CEMIP2: variants seen among roughly 807,000 people sequenced by gnomAD.
CEMIP2 encodes cell migration inducing hyaluronidase 2.
In CEMIP2, 79 loss-of-function variants were observed where a neutral mutation model predicts 146.9. The ratio of observed to expected loss-of-function variants is 0.54; its 90% CI spans 0.45 to 0.65. The LOEUF (loss-of-function observed/expected upper bound fraction) is 0.65, where lower values mean the gene tolerates loss of function less well. Among genes scored for constraint, CEMIP2 ranks in the 30% least tolerant of loss-of-function variants. The probability of loss-of-function intolerance (pLI) is 0.00; values close to 1 mark genes in which losing one functional copy is unlikely to be tolerated. For missense variants in CEMIP2, 1,596 were observed against 1,696.2 expected (o/e 0.94, Z 1.04); for synonymous variants, 601 against 606.3 (o/e 0.99, Z 0.13).
At chr9:71,694,101 T>TTATTTATTTATG (rs1274462988) in intron 21 of CEMIP2, among the ~76,000 whole-genome samples, 1 of 26,438 alleles carries the variant, frequency 3.8e-5, no homozygotes, top group Admixed American at 5.3e-4. Context: ...TTGTTTATTT[T>TTATTTATTTATG]TATTTATTTA....
intron 19 of CEMIP2, 73 bp downstream of exon 19, chr9:71,700,569 T>C: frequency 6.8e-7 from 1 of 1,469,412 alleles, no homozygotes; most frequent in South Asian, 1.4e-5. Context: ...ACAGCCGCGA[T>C]GCTGAAGAAC....
intron 1 of CEMIP2, among the ~76,000 whole-genome samples, chr9:71,767,129 G>C (rs138801653): frequency 1.1e-4 from 16 of 152,224 alleles, no homozygotes; most frequent in African/African-American, 3.9e-4. Flanking sequence ...GTCCTTCAAG[G>C]GTCAAATAAG....
chr9:71,697,701 GA>G, intron 20 of CEMIP2: 16 of 320,040 alleles, frequency 5.0e-5, no homozygotes, highest in Non-Finnish European at 7.5e-5. Context: ...ATCTGAGAAA[GA>G]AAAAAAATGA....
rs1352493260 is a variant in CEMIP2, at chr9:71,745,097, C to A, written c.955G>T (p.Ala319Ser). 4 of 1,613,998 alleles carry A rather than the reference C, an allele frequency of 2.5e-6. No individual in the cohort carries two copies. Among genetic ancestry groups the A allele is most frequent in the Admixed American group, 1.7e-5 (1 of 59,994 alleles). ...ATGGTTCCTTGTAAGAGACTTTTAG[C>A]GGCTGAATCCCCGACAGCTATGGCA... ...IVAIAVGDSA[A>S]KSLLQGTIQM... Residue 319 changes from alanine (A) to serine (S), a missense_variant, in exon 4 of 24, where the codon GCT becomes TCT. Physicochemically the swap from Ala to Ser is moderately conservative, Grantham distance 99. Transcript: ENST00000377044.
chr9:71,714,984 A>C lies in CEMIP2; in HGVS notation c.2541T>G (p.Tyr847Ter). The C allele has an allele frequency of 6.2e-7, 1 of 1,614,020 alleles. No homozygotes were observed. The highest frequency in any genetic ancestry group is 1.1e-5 in the South Asian group (1 of 91,072). ...NYGFQGGQNK[Y>*]VGTGGIDQKP... ...TCTGGTCTATTCCTCCAGTGCCTAC[A>C]TACTTGTTCTGACCACCCTGAAAGC... The change falls in exon 15 of 24, where the codon TAT becomes TAG. Residue 847 changes from tyrosine (Y) to a stop codon, truncating the protein, a stop_gained. Transcript: ENST00000377044. LOFTEE classifies it high-confidence loss of function.
rs1325564816 is a variant in CEMIP2 at position 71,716,509 on chromosome 9, T to C, written c.2435+8A>G. 1.3e-6 allele frequency: 2 copies of C among 1,586,202 alleles called. No homozygotes were observed. The highest frequency in any genetic ancestry group is 1.2e-5 in the South Asian group (1 of 85,882). ...AAAATAAGTAAGTATTTTTAAGCAATTACAAACCTGGCAAAGGTCAGTCCT... is the reference window on the plus strand; with the variant it reads ...AAAATAAGTAAGTATTTTTAAGCAACTACAAACCTGGCAAAGGTCAGTCCT... On this transcript the variant is annotated splice_region_variant and intron_variant, in intron 14 of 23. Coordinates refer to ENST00000377044, the MANE Select transcript of CEMIP2 (RefSeq NM_013390.3).
Position 71,713,219 on chromosome 9 carries a change from G to A in CEMIP2, c.2592-959C>T, listed in dbSNP as rs571964295. ...AGCGGGAGATGACTGAATCGGGGGCGGGTCTTCTCCGTGCTGTTCTCATGA... is the reference window on the plus strand; with the variant it reads ...AGCGGGAGATGACTGAATCGGGGGCAGGTCTTCTCCGTGCTGTTCTCATGA... On this transcript the variant is annotated intron_variant, in intron 15 of 23. Coordinates refer to ENST00000377044, the MANE Select transcript of CEMIP2 (RefSeq NM_013390.3). 7.9e-5 allele frequency among the ~76,000 whole-genome samples: 12 copies of A among 152,218 alleles called. No individual in the cohort carries two copies. The South Asian group carries it at 8.3e-4, about 11-fold the overall frequency.
At chr9:71,711,967 G>C in intron 16 of CEMIP2, 116 bp downstream of exon 16, 1 of 1,110,812 alleles carries the variant, frequency 9.0e-7, no homozygotes, top group African/African-American at 1.6e-5. Context: ...CTGTGTGTAT[G>C]TCTCCTCCCA....
At position 71,685,142 on chromosome 9, in the gene CEMIP2, T is replaced by A. The variant is rs1188640409; in HGVS notation, c.*55A>T. 6.2e-6 allele frequency: 9 copies of A among 1,457,904 alleles called. No individual in the cohort carries two copies. The highest frequency in any genetic ancestry group is 8.3e-6 in the Non-Finnish European group (9 of 1,087,524). 90.3% of individuals were successfully genotyped at this position (1,457,904 alleles called of 1,614,324 possible). On this transcript the variant is annotated 3_prime_UTR_variant, in exon 24 of 24. Coordinates refer to ENST00000377044, the MANE Select transcript of CEMIP2 (RefSeq NM_013390.3). Reference sequence around the variant, plus strand: ...CAGTGTCATTTTAAAATGCCATAAATTAAATAAGTTAGTTCACATTTTTTT... The same window carrying A: ...CAGTGTCATTTTAAAATGCCATAAAATAAATAAGTTAGTTCACATTTTTTT...
chr9:71,715,858 T>C (rs1823042056), intron 14 of CEMIP2, among the ~76,000 whole-genome samples: 2 of 151,706 alleles, frequency 1.3e-5, no homozygotes, highest in Non-Finnish European at 2.9e-5. Context: ...ACTCCTGGCT[T>C]TGAGCGATCC....
intron 14 of CEMIP2, 135 bp downstream of exon 14, chr9:71,716,382 T>A: frequency 1.5e-6 from 1 of 651,550 alleles, no homozygotes; most frequent in Non-Finnish European, 2.6e-6. Context: ...GGCCCTCTAG[T>A]GGCATCAGGA....
intron 4 of CEMIP2, among the ~76,000 whole-genome samples, chr9:71,743,511 T>G (rs1035065248): frequency 6.6e-6 from 1 of 152,228 alleles, no homozygotes; most frequent in Admixed American, 6.5e-5. Flanking sequence ...TTCTCCACTG[T>G]CTACACAGCA....
rs757814808 is a variant in CEMIP2, at chr9:71,700,773, T to C, written c.3246A>G (p.Gln1082=). 6.2e-7 allele frequency: 1 copy of C among 1,613,946 alleles called. No individual in the cohort carries two copies. ...GLCYPSNTSF[Q]VTFGYLQRQN... ...GCCGCTGCAAATAGCCAAAGGTAAC[T>C]TGAAAACTTGTGTTTGATGGATAGC... is the stretch of plus-strand genomic sequence containing the variant. The change falls in exon 19 of 24, where the codon CAA becomes CAG. Residue 1082 remains glutamine, a synonymous_variant. Transcript: ENST00000377044.
intron 20 of CEMIP2, among the ~76,000 whole-genome samples, chr9:71,696,552 C>T (rs1822409870): frequency 6.6e-6 from 1 of 152,000 alleles, no homozygotes; most frequent in Admixed American, 6.6e-5. Context: ...GGACAGATCA[C>T]TTGAGGTCAG....
In CEMIP2 at chr9:71,746,596, C is replaced by CAAAAA. The variant is rs5898226; in HGVS notation, c.332-260_332-256dup. On this transcript the variant is annotated intron_variant, in intron 2 of 23. Transcript: ENST00000377044. ...GCATCTAGTTCAGGACAAACTTCACCAAAAAAAAAAAAAAAAAAAAAAAGT... is the reference window on the plus strand; with the variant it reads ...GCATCTAGTTCAGGACAAACTTCACCAAAAAAAAAAAAAAAAAAAAAAAAAAAAGT... Among the ~76,000 whole-genome samples the CAAAAA allele has an allele frequency of 4.1e-3, 309 of 75,138 alleles. 10 individuals carry two copies. The highest frequency in any genetic ancestry group is 0.015 in the African/African-American group (285 of 18,568). The allele number at this position is 75,138 out of a possible 152,430, so 49.3% of individuals were successfully genotyped here.
Position 71,704,698 on chromosome 9 carries a change from A to T in CEMIP2, c.3091T>A (p.Phe1031Ile). The T allele has an allele frequency of 6.2e-7, 1 of 1,614,182 alleles. No individual in the cohort carries two copies. The highest frequency in any genetic ancestry group is 8.5e-7 in the Non-Finnish European group (1 of 1,180,030). ...ATGACGACAGGCTGGTACTGTGGAAAGGCAGCCTTCTGATTAATACCTCGG... is the reference window on the plus strand; with the variant it reads ...ATGACGACAGGCTGGTACTGTGGAATGGCAGCCTTCTGATTAATACCTCGG... The part of the protein sequence containing the change: ...VLRGINQKAA[F>I]PQYQPVVMLE... Residue 1031 changes from phenylalanine to isoleucine, a missense_variant, in exon 18 of 24, where the codon TTT becomes ATT. By Grantham distance (21) the Phe-to-Ile change is conservative (BLOSUM62 0). Coordinates refer to ENST00000377044, the MANE Select transcript of CEMIP2 (RefSeq NM_013390.3).
chr9:71,755,005 G>C (rs894439376), intron 1 of CEMIP2, among the ~76,000 whole-genome samples: 1 of 151,946 alleles, frequency 6.6e-6, no homozygotes, highest in African/African-American at 2.4e-5. Context: ...AAAACTCACT[G>C]TTATTTTAAA....
In CEMIP2 at chr9:71,728,281, GTATATATATATATATATATACATA is replaced by G. The variant is rs1354621577; in HGVS notation, c.2049+1540_2049+1563del. Among the ~76,000 whole-genome samples, 18 of 9,250 alleles carry G rather than the reference GTATATATATATATATATATACATA, an allele frequency of 1.9e-3. 3 individuals carry two copies. Among genetic ancestry groups the G allele is most frequent in the Non-Finnish European group, 2.9e-3 (16 of 5,610 alleles). The allele number at this position is 9,250 out of a possible 152,430, so 6.1% of individuals were successfully genotyped here. A position where few individuals can be genotyped will look rare whatever the true frequency, so the allele number is the denominator to read the frequency against. On this transcript the variant is annotated intron_variant, in intron 10 of 23. Transcript: ENST00000377044. Reference sequence around the variant, plus strand: ...TACACGTATATATATATATATATATGTATATATATATATATATATACATATATATATATATACGTATATATATAT... The same window carrying G: ...TACACGTATATATATATATATATATGTATATATATATACGTATATATATAT...
In CEMIP2 at chr9:71,694,535, G is replaced by A. The variant is rs751295156; in HGVS notation, c.3670C>T (p.Gln1224Ter). ...QFQSPDKAET[Q>*]RGDPSVISVN... ...GAAATAACAGACGGGTCTCCACGCTGGGTTTCTGCTTTATCAGGTGACTGG... is the reference window on the plus strand; with the variant it reads ...GAAATAACAGACGGGTCTCCACGCTAGGTTTCTGCTTTATCAGGTGACTGG... The change falls in exon 21 of 24, where the codon CAG becomes TAG. Residue 1224 changes from glutamine (Q) to a stop codon, truncating the protein, a stop_gained. Coordinates refer to ENST00000377044, the MANE Select transcript of CEMIP2 (RefSeq NM_013390.3). LOFTEE classifies it high-confidence loss of function. The A allele has an allele frequency of 3.7e-6, 6 of 1,613,810 alleles. No individual in the cohort carries two copies. Among genetic ancestry groups the A allele is most frequent in the Non-Finnish European group, 4.2e-6 (5 of 1,179,838 alleles).
Sources: gnomAD v4.1 joint callset for allele counts (sites outside exome capture counted in the v4.1 genomes callset) on GRCh38, gnomAD v4.1.1 for gene constraint, MANE v1.5 for transcripts, NCBI Gene and HGNC (gene_info 2026-07-23, HGNC 2026-07-21) for gene names.